KCP: variants seen among roughly 807,000 people sequenced by gnomAD.
KCP encodes the protein kielin/chordin-like protein.
In KCP, 194 loss-of-function variants were observed where a neutral mutation model predicts 212.7. That is an observed-to-expected ratio of 0.91 (90% CI 0.81 to 1.03). The LOEUF is 1.03. Among genes scored for constraint, KCP ranks in the 50% least tolerant of loss-of-function variants. The pLI is 0.00. For synonymous variants in KCP, 833 were observed against 865.3 expected, an observed-to-expected ratio of 0.96 and a Z score of 0.65; for missense variants, 2,080 against 2,162.5, an observed-to-expected ratio of 0.96 and a Z score of 0.76.
At chr7:128,883,605 C>T (rs1370505453) in intron 29 of KCP, among the ~76,000 whole-genome samples, 1 of 152,178 alleles carries the variant, frequency 6.6e-6, no homozygotes, top group Non-Finnish European at 1.5e-5. Context: ...GGCCATCTTT[C>T]AATATTTGTA....
chr7:128,880,269 A>G (rs1456009964), intron 34 of KCP, 117 bp downstream of exon 34: 7 of 1,364,818 alleles, frequency 5.1e-6, no homozygotes, highest in African/African-American at 1.5e-5. Context: ...CACTGTCCCC[A>G]GCTCCCAGCT....
intron 28 of KCP, 41 bp downstream of exon 28, chr7:128,884,740 C>A: frequency 6.5e-7 from 1 of 1,538,652 alleles, no homozygotes; most frequent in Non-Finnish European, 8.8e-7. Context: ...CCACTCCCCC[C>A]CGACGAGGTG....
intron 8 of KCP, among the ~76,000 whole-genome samples, chr7:128,901,625 CAA>C (rs373249414): frequency 2.1e-5 from 3 of 142,302 alleles, no homozygotes; most frequent in African/African-American, 7.6e-5. Context: ...GACTCCGCCT[CAA>C]AAAAAAAAAA....
At chr7:128,893,522 G>A in intron 11 of KCP, 46 bp from the exon 12 acceptor site, 1 of 1,402,570 alleles carries the variant, frequency 7.1e-7, no homozygotes, top group Non-Finnish European at 9.9e-7. Flanking sequence ...TGGAGGCAGA[G>A]GGGAAGCTTC....
intron 38 of KCP, among the ~76,000 whole-genome samples, chr7:128,878,004 C>T (rs1793094823): frequency 6.6e-6 from 1 of 151,956 alleles, no homozygotes; most frequent in Non-Finnish European, 1.5e-5. Context: ...TCCAAGGTCA[C>T]ACAGCCAGTG....
At position 128,881,013 on chromosome 7, in the gene KCP, A is replaced by G; in HGVS notation, c.3497T>C (p.Ile1166Thr). The change falls in exon 32 of 40, where the codon ATC (isoleucine) becomes ACC (threonine). Residue 1166 changes from isoleucine (I) to threonine (T), a missense_variant. Ile to Thr is a moderately conservative substitution (Grantham distance 89). Coordinates refer to ENST00000610776, the MANE Select transcript of KCP (RefSeq NM_001366122.1). Reference protein sequence around the residue: ...ESWRDPSNACIACTCHRGHVE... With the variant: ...ESWRDPSNACTACTCHRGHVE... The stretch of plus-strand genomic sequence containing the variant: ...CCAGCTCACATGGCAGGTGCAGGCG[A>G]TGCACGCATTGCTGGGGTCCCGCCA... 2.5e-6 allele frequency: 1 copy of G among 398,770 alleles called. No homozygotes were observed. The allele number at this position is 398,770 out of a possible 1,614,324, so 24.7% of individuals were successfully genotyped here.
Position 128,890,119 on chromosome 7 carries a change from TA to T in KCP, c.2335+223del, listed in dbSNP as rs540770800. The stretch of plus-strand genomic sequence containing the variant: ...TTTTTGTGTAGAGACAAGATCTCTC[TA>T]TGTTGCCCAGGCTGGTCTTGAACTC... On this transcript the variant is annotated intron_variant, in intron 21 of 39. Transcript: ENST00000610776. 2.7e-4 allele frequency: 183 copies of T among 685,192 alleles called. No homozygotes were observed. In the African/African-American group the frequency reaches 2.9e-3, roughly 11 times the overall value. The allele number at this position is 685,192 out of a possible 1,614,324, so 42.4% of individuals were successfully genotyped here.
rs1346600576 is a variant in KCP, at chr7:128,893,871, G to A, written c.1034C>T (p.Pro345Leu). The change falls in exon 11 of 40, where the codon CCC becomes CTC. Residue 345 changes from proline to leucine, a missense_variant. Pro to Leu is a moderately conservative substitution (Grantham distance 98). Transcript: ENST00000610776. ...ANGSVQCEPL[P>L]CPPVPCRHPG... The stretch of plus-strand genomic sequence containing the variant: ...GTGTCTGCAGGGCACTGGCGGGCAG[G>A]GCAGAGGCTCACACTGGACACTCCC... 1 of 1,551,258 alleles carries A rather than the reference G, an allele frequency of 6.4e-7. No homozygotes were observed. Among genetic ancestry groups the A allele is most frequent in the East Asian group, 2.4e-5 (1 of 40,920 alleles).
intron 8 of KCP, among the ~76,000 whole-genome samples, chr7:128,899,913 C>T (rs533418295): frequency 2.7e-5 from 4 of 148,670 alleles, no homozygotes; most frequent in African/African-American, 7.8e-5. Context: ...TTGGAGAAAC[C>T]GGCCTCATAC....
At position 128,880,005 on chromosome 7, in the gene KCP, G is replaced by A; in HGVS notation, c.3840C>T (p.Asp1280=). 6.5e-7 allele frequency: 1 copy of A among 1,550,264 alleles called. No homozygotes were observed. Among genetic ancestry groups the A allele is most frequent in the Non-Finnish European group, 8.7e-7 (1 of 1,146,936 alleles). Residue 1280 remains aspartate, a synonymous_variant, in exon 35 of 40, where the codon GAC becomes GAT. Coordinates refer to ENST00000610776, the MANE Select transcript of KCP (RefSeq NM_001366122.1). ...GGCCGTCGAAGGTGCGGTAATGGGG[G>A]TCTCCGAAGGCCATGCAGGAAGCGG... The part of the protein sequence containing the change: ...PRPASCMAFG[D]PHYRTFDGRL...
chr7:128,879,824 T>G lies in KCP; in HGVS notation c.3938A>C (p.His1313Pro). 6.4e-7 allele frequency: 1 copy of G among 1,551,020 alleles called. No individual in the cohort carries two copies. Among genetic ancestry groups the G allele is most frequent in the Non-Finnish European group, 8.7e-7 (1 of 1,146,966 alleles). ...KDCHSGDFSV[H>P]VTNDDRGRSG... is the part of the protein sequence containing the mutation. ...CCGGCCCCGGTCATCATTGGTCACG[T>G]GCACACTGTGGGCAGGAAAGTCCCA... The change falls in exon 36 of 40, where the codon CAC (histidine) becomes CCC (proline). Residue 1313 changes from histidine (H) to proline (P), a missense_variant. Physicochemically the swap from His to Pro is moderately conservative, Grantham distance 77. Transcript: ENST00000610776.
rs933374984 is a variant in KCP at position 128,880,435 on chromosome 7, C to T, written c.3710G>A (p.Gly1237Asp). The T allele has an allele frequency of 1.3e-6, 2 of 1,546,966 alleles. No homozygotes were observed. The highest frequency in any genetic ancestry group is 1.2e-5 in the South Asian group (1 of 83,758). Residue 1237 changes from glycine (G) to aspartate (D), a missense_variant, in exon 34 of 40, where the codon GGC becomes GAC. Gly to Asp is a moderately conservative substitution (Grantham distance 94, BLOSUM62 -1). Transcript: ENST00000610776. ...DTCTSCSCMA[G>D]TVRCQSQRCS... ...GCGCTGGCTCTGGCAACGCACGGTG[C>T]CCGCCATGCAGGAGCAGCTGGTGCA...
chr7:128,893,493 G>A lies in KCP; in HGVS notation c.1100-17C>T. ...ACTCACAGCCTGGATGGGATGACAGGGGCGTGGGGGTATAGGGCTGGAGGC... is the reference window on the plus strand; with the variant it reads ...ACTCACAGCCTGGATGGGATGACAGAGGCGTGGGGGTATAGGGCTGGAGGC... On this transcript the variant is annotated splice_polypyrimidine_tract_variant and intron_variant, in intron 11 of 39. Coordinates refer to ENST00000610776, the MANE Select transcript of KCP (RefSeq NM_001366122.1). 1 of 1,521,326 alleles carries A rather than the reference G, an allele frequency of 6.6e-7. No individual in the cohort carries two copies. The highest frequency in any genetic ancestry group is 8.9e-7 in the Non-Finnish European group (1 of 1,119,728). 94.2% of individuals were successfully genotyped at this position (1,521,326 alleles called of 1,614,324 possible).
chr7:128,891,309 T>C, intron 18 of KCP, 31 bp from the exon 19 acceptor site: 1 of 1,547,326 alleles, frequency 6.5e-7, no homozygotes, highest in East Asian at 2.4e-5. Flanking sequence ...CACGGGTCAG[T>C]GGGTTAGTTG....
chr7:128,907,510 T>C (rs1218319410), intron 2 of KCP, 57 bp from the exon 3 acceptor site: 1 of 1,233,736 alleles, frequency 8.1e-7, no homozygotes, highest in East Asian at 2.7e-5. Flanking sequence ...CCATCTCCAG[T>C]AGAGATGAGG....
rs942191644 is a variant in KCP at position 128,907,156 on chromosome 7, G to T, written c.431C>A (p.Thr144Asn). Residue 144 changes from threonine (T) to asparagine (N), a missense_variant, in exon 4 of 40, where the codon ACC becomes AAC. Transcript: ENST00000610776. ...GGAGAAGGTCTCCCCGTTGCCGTAG[G>T]TCTGGCCATTTTGGCTGCAGCCTAA... The part of the protein sequence containing the change: ...HCRGCSQNGQ[T>N]YGNGETFSPD... The T allele has an allele frequency of 2.6e-6, 4 of 1,551,570 alleles. No homozygotes were observed. The East Asian group carries it at 7.3e-5, about 28-fold the overall frequency.
chr7:128,879,046 C>T (rs1212509766), intron 37 of KCP: 8 of 402,630 alleles, frequency 2.0e-5, no homozygotes, highest in East Asian at 4.2e-5. Context: ...CATGGGCATT[C>T]GGGCCTTGCA....
chr7:128,879,940 G>C lies in KCP; in HGVS notation c.3905C>G (p.Ala1302Gly). 2 of 1,551,044 alleles carry C rather than the reference G, an allele frequency of 1.3e-6. No individual in the cohort carries two copies. The highest frequency in any genetic ancestry group is 1.7e-6 in the Non-Finnish European group (2 of 1,146,970). ...HFQGSCSYVL[A>G]KDCHSGDFSV... ...GAAGTCCCCGCTGTGGCAGTCCTTG[G>C]CCAGCACATAGCTGCAACTGCCCTG... is the stretch of plus-strand genomic sequence containing the variant. Residue 1302 changes from alanine (A) to glycine (G), a missense_variant, in exon 35 of 40, where the codon GCC (alanine) becomes GGC (glycine). Ala to Gly is a moderately conservative substitution (Grantham distance 60, BLOSUM62 0). Coordinates refer to ENST00000610776, the MANE Select transcript of KCP (RefSeq NM_001366122.1).
At position 128,892,603 on chromosome 7, in the gene KCP, C is replaced by T; in HGVS notation, c.1532G>A (p.Gly511Glu). 1 of 1,551,016 alleles carries T rather than the reference C, an allele frequency of 6.4e-7. No individual in the cohort carries two copies. The highest frequency in any genetic ancestry group is 8.7e-7 in the Non-Finnish European group (1 of 1,146,526). ...SPCHACHCQD[G>E]TVTCSLVDCP... ...GTCAACCAAGGAGCATGTCACAGTT[C>T]CATCCTGCGAGAGAGCAGGGGAGAG... The change falls in exon 16 of 40, where the codon GGA (glycine) becomes GAA (glutamate). Residue 511 changes from glycine to glutamate, a missense_variant. By Grantham distance (98) the Gly-to-Glu change is moderately conservative. Transcript: ENST00000610776.
Sources: gnomAD v4.1 joint callset for allele counts (sites outside exome capture counted in the v4.1 genomes callset) on GRCh38, gnomAD v4.1.1 for gene constraint, MANE v1.5 for transcripts, NCBI Gene and HGNC (gene_info 2026-07-23, HGNC 2026-07-21) for gene names.